Variants in SUCLG2 observed in about 807,000 individuals in gnomAD.
SUCLG2 encodes succinate--CoA ligase [GDP-forming] subunit beta, mitochondrial.
Under a neutral mutation model 47.9 loss-of-function variants are expected in SUCLG2, and 42 were observed. The observed-to-expected ratio is 0.88, with a 90% CI of 0.69 to 1.14. The LOEUF is 1.14. Among genes scored for constraint, SUCLG2 ranks in the 50% most tolerant of loss-of-function variants. The pLI is 0.00. For synonymous variants in SUCLG2, 195 were observed against 197.3 expected, an observed-to-expected ratio of 0.99 and a Z score of 0.10; for missense variants, 571 against 525.9, an observed-to-expected ratio of 1.09 and a Z score of -0.84.
At chr3:67,599,273 A>G (rs1367523754) in intron 2 of SUCLG2, among the ~76,000 whole-genome samples, 1 of 152,224 alleles carries the variant, frequency 6.6e-6, no homozygotes, top group Non-Finnish European at 1.5e-5. Flanking sequence ...TAGAAGGTGC[A>G]CTATGAAAGA....
At chr3:67,567,661 A>T (rs35183667) in intron 2 of SUCLG2, among the ~76,000 whole-genome samples, 5,253 of 152,214 alleles carry the variant, frequency 0.035, 307 homozygotes, top group African/African-American at 0.12. Flanking sequence ...GTCCTTCTTT[A>T]TTCCCACTTA....
intron 9 of SUCLG2, among the ~76,000 whole-genome samples, chr3:67,429,092 T>G (rs889116252): frequency 2.6e-5 from 4 of 152,042 alleles, no homozygotes; most frequent in African/African-American, 9.7e-5. Flanking sequence ...ATTCAGGAAA[T>G]ACAGAGAATG....
At chr3:67,501,907 T>C (rs1209545213) in intron 7 of SUCLG2, among the ~76,000 whole-genome samples, 1 of 152,044 alleles carries the variant, frequency 6.6e-6, no homozygotes, top group African/African-American at 2.4e-5. Flanking sequence ...TATAAAAAAA[T>C]AAGATAAAAA....
intron 1 of SUCLG2, among the ~76,000 whole-genome samples, chr3:67,645,613 T>C (rs1213956721): frequency 6.6e-6 from 1 of 152,110 alleles, no homozygotes; most frequent in African/African-American, 2.4e-5. Flanking sequence ...CCCTGTATTG[T>C]TGGCTTTCAA....
chr3:67,521,768 T>A (rs1706112728), intron 4 of SUCLG2, among the ~76,000 whole-genome samples: 1 of 151,860 alleles, frequency 6.6e-6, no homozygotes, highest in Admixed American at 6.6e-5. Context: ...TACAGGTGCC[T>A]GCCACCATGC....
intron 2 of SUCLG2, among the ~76,000 whole-genome samples, chr3:67,531,343 G>A (rs1345581405): frequency 6.6e-6 from 1 of 151,990 alleles, no homozygotes; most frequent in Non-Finnish European, 1.5e-5. Context: ...TCATATCCTT[G>A]TCATCCTGAA....
At chr3:67,456,439 C>T (rs1235443545) in intron 9 of SUCLG2, among the ~76,000 whole-genome samples, 1 of 152,064 alleles carries the variant, frequency 6.6e-6, no homozygotes, top group Non-Finnish European at 1.5e-5. Flanking sequence ...GGTATAAGCC[C>T]TCATTGGAAG....
intron 2 of SUCLG2, among the ~76,000 whole-genome samples, chr3:67,555,813 T>C (rs1014206632): frequency 2.0e-5 from 3 of 152,144 alleles, no homozygotes; most frequent in African/African-American, 4.8e-5. Context: ...GGGTGGAAGG[T>C]AGACAAGGAC....
chr3:67,504,279 G>A (rs766062560), intron 7 of SUCLG2, among the ~76,000 whole-genome samples: 9 of 152,086 alleles, frequency 5.9e-5, no homozygotes, highest in East Asian at 1.9e-4. Context: ...GTAGAGAACC[G>A]AAAATGTTCT....
intron 9 of SUCLG2, among the ~76,000 whole-genome samples, chr3:67,434,100 A>G (rs1703556715): frequency 6.6e-6 from 1 of 152,266 alleles, no homozygotes; most frequent in Non-Finnish European, 1.5e-5. Flanking sequence ...AAGTACGAGT[A>G]ACTGCTACAG....
intron 2 of SUCLG2, among the ~76,000 whole-genome samples, chr3:67,532,869 C>T (rs557371782): frequency 6.6e-5 from 10 of 152,002 alleles, no homozygotes; most frequent in Non-Finnish European, 1.2e-4. Context: ...TCATTCTTTA[C>T]CACAAGTGTT....
intron 9 of SUCLG2, among the ~76,000 whole-genome samples, chr3:67,441,803 A>T (rs568016418): frequency 6.6e-6 from 1 of 152,332 alleles, no homozygotes; most frequent in Admixed American, 6.5e-5. Context: ...AAAATAACTC[A>T]GAATATTTCC....
At chr3:67,627,717 C>T (rs1436771890) in intron 1 of SUCLG2, among the ~76,000 whole-genome samples, 1 of 152,158 alleles carries the variant, frequency 6.6e-6, no homozygotes, top group Non-Finnish European at 1.5e-5. Flanking sequence ...CACCATAGCC[C>T]CTGGCCCCAC....
intron 2 of SUCLG2, among the ~76,000 whole-genome samples, chr3:67,599,944 A>C (rs1708381039): frequency 6.6e-6 from 1 of 152,232 alleles, no homozygotes; most frequent in Non-Finnish European, 1.5e-5. Context: ...AGAAAACTCA[A>C]GTACAGCCTT....
At chr3:67,394,959 G>A (rs1021989198) in intron 10 of SUCLG2, among the ~76,000 whole-genome samples, 4 of 152,002 alleles carry the variant, frequency 2.6e-5, no homozygotes, top group African/African-American at 9.7e-5. Flanking sequence ...ATACTTTACA[G>A]ACAAGCAAAT....
intron 9 of SUCLG2, among the ~76,000 whole-genome samples, chr3:67,477,142 G>A (rs1010422137): frequency 2.6e-5 from 4 of 152,060 alleles, no homozygotes; most frequent in African/African-American, 2.4e-5. Flanking sequence ...CAAAGTGGCC[G>A]CACTGTGGCA....
At chr3:67,535,008 T>C (rs1032846043) in intron 2 of SUCLG2, among the ~76,000 whole-genome samples, 2 of 152,104 alleles carry the variant, frequency 1.3e-5, no homozygotes, top group East Asian at 1.9e-4. Context: ...AATCCTATTA[T>C]GATATACATT....
intron 2 of SUCLG2, among the ~76,000 whole-genome samples, chr3:67,542,804 A>G (rs562499837): frequency 6.6e-6 from 1 of 152,288 alleles, no homozygotes; most frequent in African/African-American, 2.4e-5. Flanking sequence ...CCAAAACAAG[A>G]GCACCCAGAT....
chr3:67,559,616 T>G (rs1326282371), intron 2 of SUCLG2, among the ~76,000 whole-genome samples: 1 of 152,124 alleles, frequency 6.6e-6, no homozygotes, highest in African/African-American at 2.4e-5. Context: ...GATGAAATAT[T>G]GGTGAGGACA....
Sources: allele counts gnomAD v4.1 joint callset (sites outside exome capture counted in the v4.1 genomes callset), GRCh38; gene constraint gnomAD v4.1.1; transcripts MANE v1.5; gene names NCBI Gene and HGNC (gene_info 2026-07-23, HGNC 2026-07-21).